TP53INP1: variants seen among roughly 807,000 people sequenced by gnomAD.
The protein encoded by TP53INP1 is tumor protein p53 inducible nuclear protein 1.
Under a neutral mutation model 21.0 loss-of-function variants are expected in TP53INP1, and 12 were observed. The observed-to-expected ratio is 0.57, with a 90% confidence interval of 0.37 to 0.93. The LOEUF (loss-of-function observed/expected upper bound fraction) is 0.93. Ranked by LOEUF, TP53INP1 falls within the 40% of genes least tolerant of loss-of-function variation. The pLI is 0.01. For synonymous variants in TP53INP1, 91 were observed against 94.8 expected, an observed-to-expected ratio of 0.96 and a Z score of 0.23; for missense variants, 274 against 294.7, an observed-to-expected ratio of 0.93 and a Z score of 0.51.
chr8:94,937,516 TG>T (rs1215207684), intron 3 of TP53INP1, among the ~76,000 whole-genome samples: 2 of 151,952 alleles, frequency 1.3e-5, no homozygotes, highest in African/African-American at 4.8e-5. Flanking sequence ...AAGATTTTCC[TG>T]TTTTTCTGGT....
Position 94,930,581 on chromosome 8 carries a change from ATTTCTGTTAAGAGGCTGTC to A in TP53INP1, c.602_620del (p.Arg201IlefsTer59). 1 of 1,614,212 alleles carries A rather than the reference ATTTCTGTTAAGAGGCTGTC, an allele frequency of 6.2e-7. No individual in the cohort carries two copies. Among genetic ancestry groups the A allele is most frequent in the Non-Finnish European group, 8.5e-7 (1 of 1,180,018 alleles). On this transcript the variant is annotated frameshift_variant, in exon 4 of 4. Coordinates refer to ENST00000342697, the MANE Select transcript of TP53INP1 (RefSeq NM_033285.4). LOFTEE classifies it high-confidence loss of function. ...TGGTAAGATTTTGGCGACGAAGGCT[ATTTCTGTTAAGAGGCTGTC>A]TTTCACTGTGTTCTTTTATCCACTG...
chr8:94,938,577 G>T (rs1031596836), intron 3 of TP53INP1, among the ~76,000 whole-genome samples: 3 of 152,314 alleles, frequency 2.0e-5, no homozygotes, highest in Admixed American at 1.3e-4. Context: ...AGGGGAGAGG[G>T]TCTGAAGGTT....
chr8:94,929,754 G>A lies in TP53INP1; in HGVS notation c.*725C>T, dbSNP rs2131306145. Reference sequence around the variant, plus strand: ...AATTTTTCCAAATATAATCTCACAGGTCTAATTTAATCCCTCTGCACGAGA... The same window carrying A: ...AATTTTTCCAAATATAATCTCACAGATCTAATTTAATCCCTCTGCACGAGA... On this transcript the variant is annotated 3_prime_UTR_variant, in exon 4 of 4. Transcript: ENST00000342697. 6.6e-6 allele frequency: 1 copy of A among 152,272 alleles called. No homozygotes were observed. The highest frequency in any genetic ancestry group is 1.9e-4 in the East Asian group (1 of 5,176). 9.4% of individuals were successfully genotyped at this position (152,272 alleles called of 1,614,324 possible). A position where few individuals can be genotyped will look rare whatever the true frequency, so the allele number is the denominator to read the frequency against.
At chr8:94,934,514 T>C (rs1820773241) in intron 3 of TP53INP1, among the ~76,000 whole-genome samples, 1 of 151,886 alleles carries the variant, frequency 6.6e-6, no homozygotes, top group Admixed American at 6.6e-5. Context: ...GCCTCCCTAG[T>C]AGCTGGGAGT....
Position 94,930,271 on chromosome 8 carries a change from G to GA in TP53INP1, c.*207_*208insT. On this transcript the variant is annotated 3_prime_UTR_variant, in exon 4 of 4. Transcript: ENST00000342697. ...GTTTCCAGAAATAATCTGAAAAAGT[G>GA]TACAAAAAAAGTAAATGTTAAAGGC... 1.6e-6 allele frequency: 1 copy of GA among 607,790 alleles called. No homozygotes were observed. Among genetic ancestry groups the GA allele is most frequent in the South Asian group, 2.5e-5 (1 of 39,494 alleles). The allele number at this position is 607,790 out of a possible 1,614,324, so 37.6% of individuals were successfully genotyped here. A position where few individuals can be genotyped will look rare whatever the true frequency, so the allele number is the denominator to read the frequency against.
intron 1 of TP53INP1, among the ~76,000 whole-genome samples, chr8:94,941,844 C>T (rs1821567271): frequency 6.6e-6 from 1 of 152,198 alleles, no homozygotes; most frequent in African/African-American, 2.4e-5. Flanking sequence ...TGAAGAACTC[C>T]AGGCTTGCTT....
intron 3 of TP53INP1, among the ~76,000 whole-genome samples, chr8:94,934,314 T>G (rs1820752480): frequency 6.6e-6 from 1 of 151,806 alleles, no homozygotes; most frequent in African/African-American, 2.4e-5. Context: ...AGCTGCTGAC[T>G]ACACACACAC....
chr8:94,948,453 A>G (rs991723297), intron 1 of TP53INP1, among the ~76,000 whole-genome samples: 3 of 152,210 alleles, frequency 2.0e-5, no homozygotes, highest in Non-Finnish European at 4.4e-5. Context: ...GGCCAAGGAG[A>G]GCGCTCTTTC....
At chr8:94,944,920 T>A (rs1821858259) in intron 1 of TP53INP1, among the ~76,000 whole-genome samples, 1 of 152,196 alleles carries the variant, frequency 6.6e-6, no homozygotes, top group Admixed American at 6.5e-5. Flanking sequence ...CCAAATTCCT[T>A]TGGCCCTGCT....
intron 3 of TP53INP1, among the ~76,000 whole-genome samples, chr8:94,931,609 C>CACATATATAT (rs146282014): frequency 0.021 from 3,198 of 151,648 alleles, 47 homozygotes; most frequent in African/African-American, 0.035. Flanking sequence ...CACACACACA[C>CACATATATAT]ATAAAATTTT....
chr8:94,940,289 T>C (rs1457787420), intron 2 of TP53INP1, 69 bp from the exon 3 acceptor site: 3 of 1,508,420 alleles, frequency 2.0e-6, no homozygotes, highest in African/African-American at 2.8e-5. Context: ...GATTATCACA[T>C]TGGGCAGTCA....
intron 3 of TP53INP1, among the ~76,000 whole-genome samples, chr8:94,933,895 GC>G (rs1820704968): frequency 7.1e-6 from 1 of 141,660 alleles, no homozygotes; most frequent in Non-Finnish European, 1.5e-5. Flanking sequence ...ACATGGTGAA[GC>G]CCCGTCTCTA....
At chr8:94,932,971 C>A (rs946765384) in intron 3 of TP53INP1, among the ~76,000 whole-genome samples, 1 of 152,170 alleles carries the variant, frequency 6.6e-6, no homozygotes, top group Non-Finnish European at 1.5e-5. Context: ...AATCCCAGAA[C>A]TTTGGGAGGT....
intron 3 of TP53INP1, among the ~76,000 whole-genome samples, chr8:94,939,042 T>G (rs1225327747): frequency 3.3e-5 from 5 of 152,180 alleles, no homozygotes; most frequent in Non-Finnish European, 7.4e-5. Flanking sequence ...GAGGACTGTT[T>G]GCCTGGTGTG....
Position 94,939,967 on chromosome 8 carries a change from A to G in TP53INP1, c.366T>C (p.Leu122=), listed in dbSNP as rs1372920897. The G allele has an allele frequency of 6.2e-7, 1 of 1,614,128 alleles. No individual in the cohort carries two copies. The highest frequency in any genetic ancestry group is 1.7e-5 in the Admixed American group (1 of 60,012). Residue 122 remains leucine, a synonymous_variant, in exon 3 of 4, where the codon CTT becomes CTC. Transcript: ENST00000342697. Reference sequence around the variant, plus strand: ...CAGACATGCTGGGATGTTCAATGAGAAGGTTTTCCATAGGACTTGTTTCCA... The same window carrying G: ...CAGACATGCTGGGATGTTCAATGAGGAGGTTTTCCATAGGACTTGTTTCCA... ...IKVETSPMEN[L]LIEHPSMSVY...
At chr8:94,948,956 A>T (rs894905838) in intron 1 of TP53INP1, among the ~76,000 whole-genome samples, 198 bp downstream of exon 1, 1 of 150,224 alleles carries the variant, frequency 6.7e-6, no homozygotes, top group Non-Finnish European at 1.5e-5. Context: ...GCCGCCGAGG[A>T]CCGACCCACT....
chr8:94,946,202 C>T (rs1317159582), intron 1 of TP53INP1, among the ~76,000 whole-genome samples: 1 of 151,276 alleles, frequency 6.6e-6, no homozygotes, highest in Non-Finnish European at 1.5e-5. Context: ...AACATTTTAT[C>T]ATCAATGGTT....
chr8:94,931,247 T>C (rs1820362475), intron 3 of TP53INP1, among the ~76,000 whole-genome samples: 1 of 152,252 alleles, frequency 6.6e-6, no homozygotes, highest in African/African-American at 2.4e-5. Context: ...CTTTATTTAA[T>C]AGAAATTTGC....
At position 94,930,348 on chromosome 8, in the gene TP53INP1, A is replaced by G. The variant is rs1397716392; in HGVS notation, c.*131T>C. On this transcript the variant is annotated 3_prime_UTR_variant, in exon 4 of 4. Transcript: ENST00000342697. ...AAATCTGATTTTCAAGATAGTGTCT[A>G]AATACACTGATAAAACTATGTGATT... is the stretch of plus-strand genomic sequence containing the variant. 7.7e-7 allele frequency: 1 copy of G among 1,299,078 alleles called. No individual in the cohort carries two copies. Among genetic ancestry groups the G allele is most frequent in the Non-Finnish European group, 1.1e-6 (1 of 935,076 alleles). 80.5% of individuals were successfully genotyped at this position (1,299,078 alleles called of 1,614,324 possible).
Sources: allele counts gnomAD v4.1 joint callset (sites outside exome capture counted in the v4.1 genomes callset), GRCh38; gene constraint gnomAD v4.1.1; transcripts MANE v1.5; gene names NCBI Gene and HGNC (gene_info 2026-07-23, HGNC 2026-07-21).